The following ZDHHC8 variants were observed in gnomAD, a reference collection of about 807,000 sequenced individuals.
ZDHHC8 encodes the protein palmitoyltransferase ZDHHC8.
Under a neutral mutation model 61.2 loss-of-function variants are expected in ZDHHC8, and 24 were observed. The ratio of observed to expected loss-of-function variants is 0.39; its 90% confidence interval spans 0.28 to 0.55. The LOEUF (loss-of-function observed/expected upper bound fraction) is 0.55, where lower values mean the gene tolerates loss of function less well. ZDHHC8 is among the 20% of genes least tolerant of loss of function. ZDHHC8 has a pLI of 0.60. For synonymous variants in ZDHHC8, 523 were observed against 492.5 expected, an observed-to-expected ratio of 1.06 and a Z score of -0.82; for missense variants, 935 against 1,102.1, an observed-to-expected ratio of 0.85 and a Z score of 2.15.
At position 20,143,441 on chromosome 22, in the gene ZDHHC8, A is replaced by T; in HGVS notation, c.1811A>T (p.Tyr604Phe). 6.2e-7 allele frequency: 1 copy of T among 1,600,662 alleles called. No individual in the cohort carries two copies. Among genetic ancestry groups the T allele is most frequent in the Admixed American group, 1.7e-5 (1 of 59,922 alleles). The stretch of plus-strand genomic sequence containing the variant: ...GGCCCCCGAGGTCCCGCGCTGCGCT[A>T]TGGCTCCAGAGACGACCTTGTGGCT... ...SEGPRGPALR[Y>F]GSRDDLVAGP... Residue 604 changes from tyrosine to phenylalanine, a missense_variant, in exon 10 of 11, where the codon TAT becomes TTT. Around this residue, in one of 3 missense-constraint regions of ZDHHC8, gnomAD observed 692 missense variants for 731.4 expected, o/e 0.95. Coordinates refer to ENST00000334554, the MANE Select transcript of ZDHHC8 (RefSeq NM_013373.4).
rs776291350 is a variant in ZDHHC8, at chr22:20,131,981, G to T, written c.34G>T (p.Ala12Ser). Reference protein sequence around the residue: ...PRSPGTRLKPAKYIPVATAAA... With the variant: ...PRSPGTRLKPSKYIPVATAAA... ...CAGCCCCGGGACGCGCCTCAAACCC[G>T]CCAAGTACATCCCGGTGGCCACGGC... is the stretch of plus-strand genomic sequence containing the variant. The change falls in exon 1 of 11, where the codon GCC (alanine) becomes TCC (serine). Residue 12 changes from alanine (A) to serine (S), a missense_variant. Coordinates refer to ENST00000334554, the MANE Select transcript of ZDHHC8 (RefSeq NM_013373.4). 7.4e-7 allele frequency: 1 copy of T among 1,354,414 alleles called. No individual in the cohort carries two copies. Among genetic ancestry groups the T allele is most frequent in the South Asian group, 1.4e-5 (1 of 72,464 alleles). The allele number at this position is 1,354,414 out of a possible 1,614,324, so 83.9% of individuals were successfully genotyped here.
Position 20,143,219 on chromosome 22 carries a change from G to A in ZDHHC8, c.1589G>A (p.Gly530Asp). ...PLPRSFSPVL[G>D]PRPREPSPVR... ...CCCCGCAGCTTCAGCCCCGTGCTGG[G>A]CCCCCGCCCCCGGGAGCCCTCGCCT... The change falls in exon 10 of 11, where the codon GGC (glycine) becomes GAC (aspartate). Residue 530 changes from glycine to aspartate, a missense_variant. Coordinates refer to ENST00000334554, the MANE Select transcript of ZDHHC8 (RefSeq NM_013373.4). The A allele has an allele frequency of 6.2e-7, 1 of 1,607,582 alleles. No homozygotes were observed. Among genetic ancestry groups the A allele is most frequent in the East Asian group, 2.2e-5 (1 of 44,854 alleles).
At chr22:20,133,743 A>G (rs2050397865) in intron 1 of ZDHHC8, among the ~76,000 whole-genome samples, 3 of 149,038 alleles carry the variant, frequency 2.0e-5, no homozygotes, top group African/African-American at 2.5e-5. Context: ...AAAAAAAAGT[A>G]TGTTCTTTAT....
intron 10 of ZDHHC8, among the ~76,000 whole-genome samples, chr22:20,144,496 G>T (rs192879191): frequency 2.0e-5 from 3 of 152,244 alleles, no homozygotes; most frequent in Non-Finnish European, 4.4e-5. Flanking sequence ...AAGCACAGGC[G>T]CAGTTGTTTC....
In ZDHHC8 at chr22:20,147,189, C is replaced by G; in HGVS notation, c.*1789C>G. 6.6e-7 allele frequency: 1 copy of G among 1,513,598 alleles called. No individual in the cohort carries two copies. Among genetic ancestry groups the G allele is most frequent in the South Asian group, 1.2e-5 (1 of 80,198 alleles). 93.8% of individuals were successfully genotyped at this position (1,513,598 alleles called of 1,614,324 possible). On this transcript the variant is annotated 3_prime_UTR_variant, in exon 11 of 11. Coordinates refer to ENST00000334554, the MANE Select transcript of ZDHHC8 (RefSeq NM_013373.4). ...CACGCGGGGCCATGTGCCGCCTGCA[C>G]TTGGCTGCCTCCAGTCTTTTCCCCA...
chr22:20,140,830 T>C, intron 6 of ZDHHC8, 41 bp from the exon 7 acceptor site: 1 of 1,599,248 alleles, frequency 6.3e-7, no homozygotes, highest in Admixed American at 1.7e-5. Flanking sequence ...TGTGTGTTTG[T>C]GGCAGGTGGG....
intron 1 of ZDHHC8, among the ~76,000 whole-genome samples, chr22:20,136,913 G>A (rs770290944): frequency 7.2e-5 from 11 of 152,222 alleles, no homozygotes; most frequent in East Asian, 1.9e-4. Flanking sequence ...AGGTGCCTGC[G>A]TGTGCTCCTC....
Position 20,146,688 on chromosome 22 carries a change from G to C in ZDHHC8, c.*1288G>C. On this transcript the variant is annotated 3_prime_UTR_variant, in exon 11 of 11. Transcript: ENST00000334554. ...GGTCTCTCGCCTTGGGTCTGTGTCA[G>C]TTCTGGCAGTGACAGGGTGTTTGGG... 1.8e-6 allele frequency: 2 copies of C among 1,093,240 alleles called. No homozygotes were observed. The highest frequency in any genetic ancestry group is 2.2e-6 in the Non-Finnish European group (2 of 899,798). The allele number at this position is 1,093,240 out of a possible 1,614,324, so 67.7% of individuals were successfully genotyped here. A position where few individuals can be genotyped will look rare whatever the true frequency, so the allele number is the denominator to read the frequency against.
At chr22:20,133,589 C>T (rs1602564763) in intron 1 of ZDHHC8, among the ~76,000 whole-genome samples, 2 of 151,874 alleles carry the variant, frequency 1.3e-5, no homozygotes, top group East Asian at 1.9e-4. Flanking sequence ...ACTAGCCAGG[C>T]GTGGTGGTGG....
In ZDHHC8 at chr22:20,146,371, G is replaced by A; in HGVS notation, c.*971G>A. 7.1e-6 allele frequency: 7 copies of A among 985,668 alleles called. No individual in the cohort carries two copies. The highest frequency in any genetic ancestry group is 7.2e-6 in the Non-Finnish European group (6 of 829,942). 61.1% of individuals were successfully genotyped at this position (985,668 alleles called of 1,614,324 possible). A position where few individuals can be genotyped will look rare whatever the true frequency, so the allele number is the denominator to read the frequency against. ...GGGACCTGAGAGTAAGCACATGACA[G>A]CGTCTGCTTGCGTTGTGTCTGTTTT... On this transcript the variant is annotated 3_prime_UTR_variant, in exon 11 of 11. Transcript: ENST00000334554.
rs1328385152 is a variant in ZDHHC8 at position 20,145,424 on chromosome 22, A to G, written c.*24A>G. 6 of 1,472,374 alleles carry G rather than the reference A, an allele frequency of 4.1e-6. No homozygotes were observed. The highest frequency in any genetic ancestry group is 2.5e-4 in the Middle Eastern group (1 of 3,922). The allele number at this position is 1,472,374 out of a possible 1,614,324, so 91.2% of individuals were successfully genotyped here. A position where few individuals can be genotyped will look rare whatever the true frequency, so the allele number is the denominator to read the frequency against. ...GAGGACTGACTGCCACACATCCGCC[A>G]TGGTGCCACGGGGACCAGGACCCCA... On this transcript the variant is annotated 3_prime_UTR_variant, in exon 11 of 11. Coordinates refer to ENST00000334554, the MANE Select transcript of ZDHHC8 (RefSeq NM_013373.4).
In ZDHHC8 at chr22:20,145,397, G is replaced by T. The variant is rs763569220; in HGVS notation, c.2295G>T (p.Val765=). The T allele has an allele frequency of 8.5e-6, 13 of 1,536,354 alleles. No individual in the cohort carries two copies. Among genetic ancestry groups the T allele is most frequent in the Non-Finnish European group, 1.1e-5 (13 of 1,141,062 alleles). ...GTGGGACCACCTACGAGATCTCGGT[G>T]TGAGGACTGACTGCCACACATCCGC... ...GVGGTTYEIS[V] is the part of the protein sequence containing the mutation. The change falls in exon 11 of 11, where the codon GTG becomes GTT. Residue 765 remains valine (V), a synonymous_variant. Coordinates refer to ENST00000334554, the MANE Select transcript of ZDHHC8 (RefSeq NM_013373.4).
rs924576734 is a variant in ZDHHC8, at chr22:20,145,462, C to G, written c.*62C>G. 5.9e-6 allele frequency: 8 copies of G among 1,350,998 alleles called. No individual in the cohort carries two copies. In the African/African-American group the frequency reaches 9.2e-5, roughly 15 times the overall value. The allele number at this position is 1,350,998 out of a possible 1,614,324, so 83.7% of individuals were successfully genotyped here. A position where few individuals can be genotyped will look rare whatever the true frequency, so the allele number is the denominator to read the frequency against. ...GACCAGGACCCCACAGCGCACCCCC[C>G]CTCCCCACCAACTTCTCTGCCCCAG... On this transcript the variant is annotated 3_prime_UTR_variant, in exon 11 of 11. Transcript: ENST00000334554.
chr22:20,141,597 A>G lies in ZDHHC8; in HGVS notation c.1125+67A>G, dbSNP rs1202051960. On this transcript the variant is annotated intron_variant, in intron 9 of 10. Transcript: ENST00000334554. ...AGGCCCGCCTCTAGGAGCTCGCCCC[A>G]CAGCCTTCACCCCGTGAAGGCCCCA... 7 of 1,362,924 alleles carry G rather than the reference A, an allele frequency of 5.1e-6. No homozygotes were observed. In the Middle Eastern group the frequency reaches 5.5e-4, roughly 108 times the overall value. The allele number at this position is 1,362,924 out of a possible 1,614,324, so 84.4% of individuals were successfully genotyped here.
At chr22:20,137,797 G>A (rs1376292864) in intron 1 of ZDHHC8, among the ~76,000 whole-genome samples, 1 of 152,232 alleles carries the variant, frequency 6.6e-6, no homozygotes, top group Admixed American at 6.5e-5. Flanking sequence ...TTTGAGTGCT[G>A]CCTGTGTGCC....
Position 20,140,597 on chromosome 22 carries a change from T to C in ZDHHC8, c.661-20T>C. On this transcript the variant is annotated intron_variant, in intron 5 of 10. Transcript: ENST00000334554. ...CTGGACCTTGGGAGGCCAGGCTGGCTGAGGGTCCTGCATCCACAGGTGACT... is the reference window on the plus strand; with the variant it reads ...CTGGACCTTGGGAGGCCAGGCTGGCCGAGGGTCCTGCATCCACAGGTGACT... The C allele has an allele frequency of 6.3e-7, 1 of 1,585,742 alleles. No individual in the cohort carries two copies. The highest frequency in any genetic ancestry group is 8.6e-7 in the Non-Finnish European group (1 of 1,166,634).
intron 1 of ZDHHC8, among the ~76,000 whole-genome samples, chr22:20,134,130 C>T (rs1221636955): frequency 1.3e-5 from 2 of 152,268 alleles, no homozygotes; most frequent in African/African-American, 4.8e-5. Context: ...ATGCTGACCT[C>T]TGCCGGCCCT....
At chr22:20,136,301 C>A (rs2050419687) in intron 1 of ZDHHC8, among the ~76,000 whole-genome samples, 1 of 152,226 alleles carries the variant, frequency 6.6e-6, no homozygotes, top group Admixed American at 6.5e-5. Context: ...TGGACCCAGA[C>A]TACTGCCTGC....
In ZDHHC8 at chr22:20,146,117, T is replaced by C; in HGVS notation, c.*717T>C. The C allele has an allele frequency of 4.1e-6, 4 of 985,796 alleles. No individual in the cohort carries two copies. Among genetic ancestry groups the C allele is most frequent in the Non-Finnish European group, 4.8e-6 (4 of 829,984 alleles). 61.1% of individuals were successfully genotyped at this position (985,796 alleles called of 1,614,324 possible). A position where few individuals can be genotyped will look rare whatever the true frequency, so the allele number is the denominator to read the frequency against. Reference sequence around the variant, plus strand: ...CTTTCATCAAAGCCTTAACCTTTGCTTTATGCTCTTGTGGGAGGCGACGGG... The same window carrying C: ...CTTTCATCAAAGCCTTAACCTTTGCCTTATGCTCTTGTGGGAGGCGACGGG... On this transcript the variant is annotated 3_prime_UTR_variant, in exon 11 of 11. Transcript: ENST00000334554.
Sources: gnomAD v4.1 joint callset for allele counts (sites outside exome capture counted in the v4.1 genomes callset) on GRCh38, gnomAD v4.1.1 for gene constraint, gnomAD v4.1.1 regional missense constraint, MANE v1.5 for transcripts, NCBI Gene and HGNC (gene_info 2026-07-23, HGNC 2026-07-21) for gene names.